The following NNT variants were observed in gnomAD, a reference collection of about 807,000 sequenced individuals.
The protein encoded by NNT is nicotinamide nucleotide transhydrogenase.
NNT carries 50 observed loss-of-function variants against 104.8 expected under a neutral mutation model. The observed-to-expected ratio is 0.48, with a 90% confidence interval of 0.38 to 0.60. The LOEUF is 0.60. Ranked by LOEUF, NNT falls within the 20% of genes least tolerant of loss-of-function variation. The probability of loss-of-function intolerance (pLI) is 0.00; values close to 1 mark genes in which losing one functional copy is unlikely to be tolerated. For missense variants in NNT, 1,131 were observed against 1,330.7 expected (o/e 0.85, Z 2.33); for synonymous variants, 461 against 490.4 (o/e 0.94, Z 0.79).
In NNT at chr5:43,612,883, T is replaced by A. The variant is rs5867640; in HGVS notation, c.152-25T>A. 8.4e-3 allele frequency: 9,971 copies of A among 1,190,260 alleles called. 289 individuals are homozygous for A. The African/African-American group carries it at 0.17, about 20-fold the overall frequency. The allele number at this position is 1,190,260 out of a possible 1,614,324, so 73.7% of individuals were successfully genotyped here. On this transcript the variant is annotated intron_variant, in intron 2 of 21. Transcript: ENST00000344920. The stretch of plus-strand genomic sequence containing the variant: ...GTTTGTTTTTTTACCAAATATATAT[T>A]TTTTTTGCCTTTGCTTGTTTCTAGG...
chr5:43,635,281 T>C (rs959890663), intron 7 of NNT, among the ~76,000 whole-genome samples: 37 of 152,082 alleles, frequency 2.4e-4, no homozygotes, highest in African/African-American at 7.5e-4. Flanking sequence ...ATATGGTCAT[T>C]TGGGATTCGG....
chr5:43,684,493 A>T (rs1305500831), intron 19 of NNT, among the ~76,000 whole-genome samples: 3 of 152,070 alleles, frequency 2.0e-5, no homozygotes, highest in Non-Finnish European at 4.4e-5. Context: ...CTCACCAGAG[A>T]TGTTGACTCT....
At chr5:43,655,181 A>C (rs1739972157) in intron 14 of NNT, among the ~76,000 whole-genome samples, 1 of 152,156 alleles carries the variant, frequency 6.6e-6, no homozygotes, top group Non-Finnish European at 1.5e-5. Context: ...AATGGGGAGA[A>C]TATAAGGGAA....
intron 19 of NNT, 114 bp downstream of exon 19, chr5:43,677,920 C>A: frequency 1.3e-6 from 1 of 764,592 alleles, no homozygotes; most frequent in Non-Finnish European, 2.2e-6. Flanking sequence ...CCCGCCCATA[C>A]AATTAAAAAT....
In NNT at chr5:43,704,317, C is replaced by T; in HGVS notation, c.3174C>T (p.Tyr1058=). ...GYAAVDNPIF[Y]KPNTAMLLGD... Reference sequence around the variant, plus strand: ...CTGCAGTGGACAATCCAATCTTCTACAAACCTAACACGGCCATGCTTCTAG... The same window carrying T: ...CTGCAGTGGACAATCCAATCTTCTATAAACCTAACACGGCCATGCTTCTAG... The change falls in exon 22 of 22, where the codon TAC becomes TAT. Residue 1058 remains tyrosine (Y), a synonymous_variant. Transcript: ENST00000344920. 1.9e-6 allele frequency: 3 copies of T among 1,611,150 alleles called. No homozygotes were observed. The highest frequency in any genetic ancestry group is 2.5e-6 in the Non-Finnish European group (3 of 1,178,724).
rs1221722203 is a variant in NNT, at chr5:43,704,479, A to G, written c.*75A>G. On this transcript the variant is annotated 3_prime_UTR_variant, in exon 22 of 22. Coordinates refer to ENST00000344920, the MANE Select transcript of NNT (RefSeq NM_182977.3). ...GAACAGGCAAATAAAGTATCAGTAT[A>G]CATGGTGATGTACATCTGTAGCAAA... 1 of 1,463,102 alleles carries G rather than the reference A, an allele frequency of 6.8e-7. No individual in the cohort carries two copies. Among genetic ancestry groups the G allele is most frequent in the African/African-American group, 1.4e-5 (1 of 70,668 alleles). 90.6% of individuals were successfully genotyped at this position (1,463,102 alleles called of 1,614,324 possible). A position where few individuals can be genotyped will look rare whatever the true frequency, so the allele number is the denominator to read the frequency against.
At chr5:43,689,051 C>A (rs938970629) in intron 19 of NNT, among the ~76,000 whole-genome samples, 2 of 152,078 alleles carry the variant, frequency 1.3e-5, no homozygotes, top group African/African-American at 4.8e-5. Context: ...TCCCCACCAA[C>A]CTTTATTATT....
chr5:43,658,885 T>A (rs1476842771), intron 16 of NNT, among the ~76,000 whole-genome samples: 1 of 152,176 alleles, frequency 6.6e-6, no homozygotes, highest in East Asian at 1.9e-4. Flanking sequence ...TGTCATTGTA[T>A]TTTTCCAAAT....
At chr5:43,653,242 G>A (rs1349073858) in intron 14 of NNT, 29 bp downstream of exon 14, 1 of 1,565,902 alleles carries the variant, frequency 6.4e-7, no homozygotes, top group Non-Finnish European at 8.7e-7. Flanking sequence ...CTGCCTTCAT[G>A]TGAACTCCAG....
chr5:43,666,812 C>G, intron 17 of NNT: 1 of 1,348,900 alleles, frequency 7.4e-7, no homozygotes, highest in South Asian at 1.2e-5. Context: ...GGAGCCTGAG[C>G]TGGAACTGAA....
At chr5:43,608,581 A>G (rs1749344184) in intron 1 of NNT, among the ~76,000 whole-genome samples, 1 of 152,078 alleles carries the variant, frequency 6.6e-6, no homozygotes, top group South Asian at 2.1e-4. Context: ...GGCAAACATG[A>G]ATCTTTTGTT....
chr5:43,649,945 C>A (rs117242045), intron 11 of NNT, among the ~76,000 whole-genome samples: 1 of 152,296 alleles, frequency 6.6e-6, no homozygotes, highest in East Asian at 1.9e-4. Flanking sequence ...AGCCTCAGGG[C>A]CAATAGTCAT....
chr5:43,653,303 G>T (rs1471126458), intron 14 of NNT, 90 bp downstream of exon 14: 3 of 1,204,380 alleles, frequency 2.5e-6, no homozygotes, highest in Admixed American at 2.8e-5. Context: ...ATTAAATTTT[G>T]TTCATGGAAG....
chr5:43,632,707 C>T (rs550603478), intron 7 of NNT, among the ~76,000 whole-genome samples: 14 of 152,286 alleles, frequency 9.2e-5, no homozygotes, highest in Middle Eastern at 3.4e-3. Context: ...CTGTCCAGCT[C>T]GTTGACCTTT....
At chr5:43,637,597 T>G (rs1316082298) in intron 7 of NNT, among the ~76,000 whole-genome samples, 3 of 152,146 alleles carry the variant, frequency 2.0e-5, no homozygotes, top group African/African-American at 7.2e-5. Flanking sequence ...TGCTCCTTCA[T>G]GCTTTCCTCT....
chr5:43,605,301 G>C (rs968491455), intron 1 of NNT, among the ~76,000 whole-genome samples: 6 of 151,754 alleles, frequency 4.0e-5, no homozygotes, highest in African/African-American at 1.5e-4. Flanking sequence ...TGGATCATGA[G>C]GTCAGGAGAT....
At chr5:43,606,980 G>GTTTTTTGT in intron 1 of NNT, among the ~76,000 whole-genome samples, 1 of 132,792 alleles carries the variant, frequency 7.5e-6, no homozygotes, top group Non-Finnish European at 1.6e-5. Context: ...GGTTTTTTTT[G>GTTTTTTGT]TTTTTTGTTT....
intron 19 of NNT, among the ~76,000 whole-genome samples, chr5:43,699,198 G>A (rs1047779850): frequency 7.9e-5 from 12 of 151,910 alleles, no homozygotes; most frequent in African/African-American, 2.7e-4. Flanking sequence ...TACCTTAAGT[G>A]TAGAGCTCTG....
chr5:43,674,415 T>G (rs1305830235), intron 17 of NNT, among the ~76,000 whole-genome samples: 2 of 152,178 alleles, frequency 1.3e-5, no homozygotes, highest in African/African-American at 4.8e-5. Context: ...TACTTATCAT[T>G]GAAGATCTTG....
Sources: gnomAD v4.1 joint callset for allele counts (sites outside exome capture counted in the v4.1 genomes callset) on GRCh38, gnomAD v4.1.1 for gene constraint, MANE v1.5 for transcripts, NCBI Gene and HGNC (gene_info 2026-07-23, HGNC 2026-07-21) for gene names.